DOCK4: variants seen among roughly 807,000 people sequenced by gnomAD.
DOCK4 encodes dedicator of cytokinesis protein 4.
In DOCK4, 97 loss-of-function variants were observed where a neutral mutation model predicts 268.1. The observed-to-expected ratio is 0.36, with a 90% confidence interval of 0.31 to 0.43. The LOEUF (loss-of-function observed/expected upper bound fraction) is 0.43, where lower values mean the gene tolerates loss of function less well. Among genes scored for constraint, DOCK4 ranks in the 20% least tolerant of loss-of-function variants. DOCK4 has a pLI of 1.00. For synonymous variants in DOCK4, 954 were observed against 887.2 expected, an observed-to-expected ratio of 1.08 and a Z score of -1.34; for missense variants, 2,145 against 2,455.7, an observed-to-expected ratio of 0.87 and a Z score of 2.67.
intron 16 of DOCK4, among the ~76,000 whole-genome samples, chr7:111,894,117 G>A (rs1808521057): frequency 6.6e-6 from 1 of 151,924 alleles, no homozygotes; most frequent in Non-Finnish European, 1.5e-5. Context: ...AGCTAGTCAG[G>A]AGGCTGAGGC....
intron 16 of DOCK4, among the ~76,000 whole-genome samples, chr7:111,887,682 A>T (rs1297021320): frequency 6.6e-6 from 1 of 152,098 alleles, no homozygotes; most frequent in Non-Finnish European, 1.5e-5. Flanking sequence ...AGCAGAGGCA[A>T]TGAGGGAAGA....
intron 12 of DOCK4, chr7:111,935,209 A>C (rs1794632964): frequency 2.8e-6 from 1 of 361,562 alleles, no homozygotes; most frequent in African/African-American, 2.1e-5. Context: ...CGGCCTCCCA[A>C]AGTGCTGGGA....
rs184937191 is a variant in DOCK4 at position 112,005,950 on chromosome 7, T to C, written c.38-1819A>G. ...TTACTAAGATCTCCAGTCCCCTCAATGTGGCCACACTCATTTTGCCTTCCA... is the reference window on the plus strand; with the variant it reads ...TTACTAAGATCTCCAGTCCCCTCAACGTGGCCACACTCATTTTGCCTTCCA... On this transcript the variant is annotated intron_variant, in intron 1 of 52. Transcript: ENST00000428084. 3.6e-3 allele frequency among the ~76,000 whole-genome samples: 542 copies of C among 152,292 alleles called. 1 individual carries two copies. Among genetic ancestry groups the C allele is most frequent in the Middle Eastern group, 6.8e-3 (2 of 294 alleles).
At chr7:111,809,464 C>T in intron 28 of DOCK4, 63 bp from the exon 29 acceptor site, 1 of 1,397,640 alleles carries the variant, frequency 7.2e-7, no homozygotes, top group Non-Finnish European at 9.9e-7. Context: ...GGTGAAGTGA[C>T]ATAGTATTTT....
At chr7:111,893,115 C>A (rs1808427645) in intron 16 of DOCK4, among the ~76,000 whole-genome samples, 2 of 152,156 alleles carry the variant, frequency 1.3e-5, no homozygotes, top group African/African-American at 2.4e-5. Flanking sequence ...TGTGGAAGAG[C>A]TACAACTGAG....
intron 1 of DOCK4, among the ~76,000 whole-genome samples, chr7:112,070,487 C>A (rs66922188): frequency 1.3e-5 from 2 of 151,500 alleles, no homozygotes; most frequent in East Asian, 3.9e-4. Context: ...TAATATTTCT[C>A]AGGGAAATAG....
At chr7:111,934,523 G>GTTTTTTTTTTTTTT (rs1183672033) in intron 12 of DOCK4, among the ~76,000 whole-genome samples, 8 of 83,872 alleles carry the variant, frequency 9.5e-5, no homozygotes, top group Non-Finnish European at 1.3e-4. Flanking sequence ...TTTTGTTTTT[G>GTTTTTTTTTTTTTT]TTTTTTTTTT....
intron 1 of DOCK4, among the ~76,000 whole-genome samples, chr7:112,149,230 T>TC (rs1815810526): frequency 6.6e-6 from 1 of 152,048 alleles, no homozygotes; most frequent in Admixed American, 6.6e-5. Flanking sequence ...GGCGCTGCCA[T>TC]CCCTTCGTCA....
intron 46 of DOCK4, 65 bp downstream of exon 46, chr7:111,741,475 G>C: frequency 6.3e-7 from 1 of 1,578,488 alleles, no homozygotes; most frequent in East Asian, 2.3e-5. Context: ...TAAAGAATGA[G>C]AGAACCATTC....
intron 1 of DOCK4, among the ~76,000 whole-genome samples, chr7:112,048,290 G>A (rs1805009088): frequency 1.3e-5 from 2 of 150,254 alleles, no homozygotes; most frequent in Non-Finnish European, 1.5e-5. Context: ...GGTGGCTCAC[G>A]CCTAGCACTT....
At chr7:112,179,432 T>A (rs1399751057) in intron 1 of DOCK4, among the ~76,000 whole-genome samples, 1 of 151,428 alleles carries the variant, frequency 6.6e-6, no homozygotes, top group African/African-American at 2.4e-5. Flanking sequence ...AACTCTCTAG[T>A]AGCATTGCCT....
rs989356663 is a variant in DOCK4 at position 111,739,086 on chromosome 7, T to C, written c.5232+48A>G. The C allele has an allele frequency of 2.0e-6, 3 of 1,532,446 alleles. No individual in the cohort carries two copies. In the African/African-American group the frequency reaches 4.1e-5, roughly 21 times the overall value. The allele number at this position is 1,532,446 out of a possible 1,614,324, so 94.9% of individuals were successfully genotyped here. ...TGTTTCTGCAGAGATAGGTAAGCAA[T>C]TCCAGAATTGTCCTTGTTTTCTAGT... On this transcript the variant is annotated intron_variant, in intron 49 of 52. Transcript: ENST00000428084.
At chr7:112,110,044 G>A (rs1240688933) in intron 1 of DOCK4, among the ~76,000 whole-genome samples, 3 of 152,038 alleles carry the variant, frequency 2.0e-5, no homozygotes, top group Middle Eastern at 3.4e-3. Context: ...GCGCCCGGCC[G>A]TAAAATCATC....
intron 23 of DOCK4, among the ~76,000 whole-genome samples, chr7:111,856,117 C>T (rs559859374): frequency 6.6e-6 from 1 of 152,326 alleles, no homozygotes; most frequent in East Asian, 1.9e-4. Context: ...GACACACATG[C>T]TCCCCATCCC....
intron 8 of DOCK4, chr7:111,971,288 G>A (rs978774278): frequency 2.5e-5 from 4 of 158,724 alleles, no homozygotes; most frequent in African/African-American, 9.6e-5. Flanking sequence ...AAAGATTTTA[G>A]ACTCAGGAAA....
Position 111,747,284 on chromosome 7 carries a change from C to T in DOCK4, c.4576G>A (p.Val1526Ile), listed in dbSNP as rs199527812. The T allele has an allele frequency of 1.1e-4, 171 of 1,612,820 alleles. 2 individuals carry two copies. The highest frequency in any genetic ancestry group is 1.1e-4 in the South Asian group (10 of 90,822). The change falls in exon 43 of 53, where the codon GTT (valine) becomes ATT (isoleucine). Residue 1526 changes from valine to isoleucine, a missense_variant. Transcript: ENST00000428084. ...ATCCTTACCTCTTGATACCTGGAAA[C>T]GCCACCATTAACTGCAGCATCTATA... Reference protein sequence around the residue: ...GVIDAAVNGGVSRYQEAFFVK... With the variant: ...GVIDAAVNGGISRYQEAFFVK...
Position 111,736,931 on chromosome 7 carries a change from G to A in DOCK4, c.5291C>T (p.Ser1764Phe). 1 of 1,602,784 alleles carries A rather than the reference G, an allele frequency of 6.2e-7. No homozygotes were observed. Among genetic ancestry groups the A allele is most frequent in the South Asian group, 1.1e-5 (1 of 88,462 alleles). ...GCTGGCCTTACCTTTTTCAGGTGCAGAGAGATTTGGGTCACTGCGTGGCAA... is the reference window on the plus strand; with the variant it reads ...GCTGGCCTTACCTTTTTCAGGTGCAAAGAGATTTGGGTCACTGCGTGGCAA... Reference protein sequence around the residue: ...GALPRSDPNLSAPEKAVNPTP... With the variant: ...GALPRSDPNLFAPEKAVNPTP... Residue 1764 changes from serine (S) to phenylalanine (F), a missense_variant, in exon 50 of 53, where the codon TCT becomes TTT. Physicochemically the swap from Ser to Phe is radical, Grantham distance 155. Transcript: ENST00000428084.
chr7:111,814,550 C>T (rs1214761064), intron 27 of DOCK4, among the ~76,000 whole-genome samples: 2 of 152,096 alleles, frequency 1.3e-5, no homozygotes, highest in Non-Finnish European at 2.9e-5. Context: ...GCAGATGATC[C>T]AGCAACCCTG....
Position 111,742,145 on chromosome 7 carries a change from C to A in DOCK4, c.4678-13G>T. On this transcript the variant is annotated splice_polypyrimidine_tract_variant and intron_variant, in intron 44 of 52. Coordinates refer to ENST00000428084, the MANE Select transcript of DOCK4 (RefSeq NM_001363540.2). ...CCAGAATCTGTGCCTTAATTCACAA[C>A]ATAAGGAAAAAACCTCACATCAATG... 3 of 1,573,952 alleles carry A rather than the reference C, an allele frequency of 1.9e-6. No individual in the cohort carries two copies. The highest frequency in any genetic ancestry group is 3.9e-5 in the Admixed American group (2 of 51,808).
Sources: gnomAD v4.1 joint callset for allele counts (sites outside exome capture counted in the v4.1 genomes callset) on GRCh38, gnomAD v4.1.1 for gene constraint, MANE v1.5 for transcripts, NCBI Gene and HGNC (gene_info 2026-07-23, HGNC 2026-07-21) for gene names.